Variants in PPP2R5D observed in about 807,000 individuals in gnomAD.
PPP2R5D encodes the protein serine/threonine-protein phosphatase 2A 56 kDa regulatory subunit delta isoform.
PPP2R5D carries 12 observed loss-of-function variants against 79.1 expected under a neutral mutation model. That is an observed-to-expected ratio of 0.15 (90% CI 0.10 to 0.25). The LOEUF is 0.25. Ranked by LOEUF, PPP2R5D falls within the 10% of genes least tolerant of loss-of-function variation. The pLI is 1.00. For missense variants in PPP2R5D, 419 were observed against 760.2 expected (o/e 0.55, Z 5.28); for synonymous variants, 277 against 286.6 (o/e 0.97, Z 0.34).
chr6:42,995,010 A>G (rs928082026), intron 2 of PPP2R5D, among the ~76,000 whole-genome samples: 9 of 150,810 alleles, frequency 6.0e-5, no homozygotes, highest in African/African-American at 2.2e-4. Context: ...TTGGCATCTC[A>G]CTGCTTACAA....
Position 43,006,483 on chromosome 6 carries a change from C to G in PPP2R5D, c.126C>G (p.Pro42=), listed in dbSNP as rs1344853175. 3 of 1,613,310 alleles carry G rather than the reference C, an allele frequency of 1.9e-6. No individual in the cohort carries two copies. The highest frequency in any genetic ancestry group is 1.7e-5 in the Admixed American group (1 of 59,982). Residue 42 remains proline, a synonymous_variant, in exon 3 of 16, where the codon CCC becomes CCG. Coordinates refer to ENST00000485511, the MANE Select transcript of PPP2R5D (RefSeq NM_006245.4). This position sits in a 1 kb window ranked among gnomAD's most constrained non-coding sequence, Gnocchi z 4.7. ...ACCAGGCCCAGCCGCAGCCCCAGCCCCAGCCCCAGCCCCAAGCCCAGTCTC... is the reference window on the plus strand; with the variant it reads ...ACCAGGCCCAGCCGCAGCCCCAGCCGCAGCCCCAGCCCCAAGCCCAGTCTC... ...NTEEAQPQPQ[P]QPQPQAQSQP...
At position 43,008,099 on chromosome 6, in the gene PPP2R5D, C is replaced by T; in HGVS notation, c.857+34C>T. On this transcript the variant is annotated intron_variant, in intron 7 of 15. Coordinates refer to ENST00000485511, the MANE Select transcript of PPP2R5D (RefSeq NM_006245.4). The surrounding 1 kb of genome is among the most constrained non-coding windows in gnomAD (Gnocchi z 4.2). ...AGGAGCCCAGGCTTAGGAGCAAAAC[C>T]TTCTGCTACTGAGGTGGGGTGGGAG... is the stretch of plus-strand genomic sequence containing the variant. 6.2e-7 allele frequency: 1 copy of T among 1,611,094 alleles called. No individual in the cohort carries two copies. Among genetic ancestry groups the T allele is most frequent in the Non-Finnish European group, 8.5e-7 (1 of 1,179,732 alleles).
rs1265667293 is a variant in PPP2R5D, at chr6:42,984,645, C to T, written c.-33C>T. Reference sequence around the variant, plus strand: ...AGCAAAGCCGGAGCCGGAGCGGGGCCGCAGGAGACGGGCCGGGTCCGGACG... The same window carrying T: ...AGCAAAGCCGGAGCCGGAGCGGGGCTGCAGGAGACGGGCCGGGTCCGGACG... On this transcript the variant is annotated 5_prime_UTR_variant, in exon 1 of 16. Transcript: ENST00000485511. The T allele has an allele frequency of 3.8e-6, 6 of 1,587,726 alleles. No homozygotes were observed. The highest frequency in any genetic ancestry group is 2.3e-5 in the East Asian group (1 of 43,578).
Position 43,009,239 on chromosome 6 carries a change from A to G in PPP2R5D, c.1251+12A>G, listed in dbSNP as rs769028583. 2.5e-5 allele frequency: 41 copies of G among 1,613,928 alleles called. No homozygotes were observed. The highest frequency in any genetic ancestry group is 3.3e-5 in the Non-Finnish European group (39 of 1,179,986). On this transcript the variant is annotated intron_variant, in intron 11 of 15. Transcript: ENST00000485511. The surrounding 1 kb of genome is among the most constrained non-coding windows in gnomAD (Gnocchi z 5.6). Reference sequence around the variant, plus strand: ...GCCCCCATTTCCAGGTGAGACTCCAACCTAGCATATCCTAGCCCCTGCCAG... The same window carrying G: ...GCCCCCATTTCCAGGTGAGACTCCAGCCTAGCATATCCTAGCCCCTGCCAG...
chr6:43,006,360 C>T lies in PPP2R5D; in HGVS notation c.106-103C>T. The T allele has an allele frequency of 6.7e-7, 1 of 1,484,268 alleles. No individual in the cohort carries two copies. The highest frequency in any genetic ancestry group is 2.4e-5 in the Admixed American group (1 of 42,410). The allele number at this position is 1,484,268 out of a possible 1,614,324, so 91.9% of individuals were successfully genotyped here. A position where few individuals can be genotyped will look rare whatever the true frequency, so the allele number is the denominator to read the frequency against. On this transcript the variant is annotated intron_variant, in intron 2 of 15. Coordinates refer to ENST00000485511, the MANE Select transcript of PPP2R5D (RefSeq NM_006245.4). This position sits in a 1 kb window ranked among gnomAD's most constrained non-coding sequence, Gnocchi z 4.7. ...CTTCGGGGCAGGAGACAGCTGCTCA[C>T]TGCCCAGGCCTGTGCAGGCATAAAC...
intron 2 of PPP2R5D, among the ~76,000 whole-genome samples, chr6:42,998,018 TATA>T (rs1561843655): frequency 3.7e-4 from 3 of 8,186 alleles, no homozygotes; most frequent in Admixed American, 1.5e-3. Context: ...GTTTTATTTA[TATA>T]TATATATATA....
chr6:43,006,148 C>T lies in PPP2R5D; in HGVS notation c.106-315C>T, dbSNP rs1339253105. On this transcript the variant is annotated intron_variant, in intron 2 of 15. Coordinates refer to ENST00000485511, the MANE Select transcript of PPP2R5D (RefSeq NM_006245.4). This position sits in a 1 kb window ranked among gnomAD's most constrained non-coding sequence, Gnocchi z 4.7. The stretch of plus-strand genomic sequence containing the variant: ...ATACCCACCCCATTTCCCCTGGCAA[C>T]GTAATCACTTTTTTGACTTCTGTCA... Among the ~76,000 whole-genome samples the T allele has an allele frequency of 1.3e-5, 2 of 152,164 alleles. No homozygotes were observed. The highest frequency in any genetic ancestry group is 4.8e-5 in the African/African-American group (2 of 41,434).
At position 42,998,015 on chromosome 6, in the gene PPP2R5D, TTATATATATATATA is replaced by T. The variant is rs1561843629; in HGVS notation, c.105+8357_105+8370del. Among the ~76,000 whole-genome samples the T allele has an allele frequency of 3.9e-3, 127 of 32,340 alleles. 1 individual carries two copies. The highest frequency in any genetic ancestry group is 0.024 in the Middle Eastern group (1 of 42). 21.2% of individuals were successfully genotyped at this position (32,340 alleles called of 152,430 possible). A position where few individuals can be genotyped will look rare whatever the true frequency, so the allele number is the denominator to read the frequency against. ...TTATATTTGAATATTTGGGTTTTATTTATATATATATATATATATATATATATATATATATATAT... is the reference window on the plus strand; with the variant it reads ...TTATATTTGAATATTTGGGTTTTATTTATATATATATATATATATATATAT... On this transcript the variant is annotated intron_variant, in intron 2 of 15. Coordinates refer to ENST00000485511, the MANE Select transcript of PPP2R5D (RefSeq NM_006245.4).
intron 1 of PPP2R5D, among the ~76,000 whole-genome samples, chr6:42,986,864 G>A (rs1334140417): frequency 1.3e-5 from 2 of 151,734 alleles, no homozygotes; most frequent in African/African-American, 4.8e-5. Flanking sequence ...TGGAAGTAAC[G>A]GGGTGCATGG....
intron 2 of PPP2R5D, among the ~76,000 whole-genome samples, chr6:42,994,963 T>G (rs1396077409): frequency 6.6e-6 from 1 of 152,042 alleles, no homozygotes; most frequent in Non-Finnish European, 1.5e-5. Context: ...TCTAAAAACC[T>G]TCTTGGTCTT....
rs56194066 is a variant in PPP2R5D, at chr6:43,004,569, C to CTTT, written c.106-1878_106-1876dup. 7.9e-3 allele frequency among the ~76,000 whole-genome samples: 993 copies of CTTT among 125,064 alleles called. 35 individuals carry two copies. The highest frequency in any genetic ancestry group is 0.027 in the African/African-American group (879 of 32,740). The allele number at this position is 125,064 out of a possible 152,430, so 82.0% of individuals were successfully genotyped here. A position where few individuals can be genotyped will look rare whatever the true frequency, so the allele number is the denominator to read the frequency against. ...ATTTTCACATTGGATTCTTTTCCTACTTTTTTTTTTTTTTTTTTGAGATTT... is the reference window on the plus strand; with the variant it reads ...ATTTTCACATTGGATTCTTTTCCTACTTTTTTTTTTTTTTTTTTTTTGAGATTT... On this transcript the variant is annotated intron_variant, in intron 2 of 15. Coordinates refer to ENST00000485511, the MANE Select transcript of PPP2R5D (RefSeq NM_006245.4).
chr6:42,987,076 T>A (rs911013955), intron 1 of PPP2R5D, among the ~76,000 whole-genome samples: 18 of 152,154 alleles, frequency 1.2e-4, no homozygotes, highest in Admixed American at 3.9e-4. Flanking sequence ...TTTCACAGCT[T>A]CCTCTCTAAA....
intron 2 of PPP2R5D, among the ~76,000 whole-genome samples, chr6:43,002,736 A>G (rs1312609308): frequency 6.6e-6 from 1 of 152,198 alleles, no homozygotes; most frequent in African/African-American, 2.4e-5. Flanking sequence ...TAAAAAATTC[A>G]GAGGATGCAA....
chr6:43,005,565 CAA>C (rs1762028627), intron 2 of PPP2R5D, among the ~76,000 whole-genome samples: 1 of 151,968 alleles, frequency 6.6e-6, no homozygotes, highest in Admixed American at 6.6e-5. Context: ...TTTGGCTTCC[CAA>C]AGTGTTGGGA....
Position 43,010,914 on chromosome 6 carries a change from C to A in PPP2R5D, c.1588C>A (p.Pro530Thr). The A allele has an allele frequency of 6.2e-7, 1 of 1,614,134 alleles. No individual in the cohort carries two copies. The highest frequency in any genetic ancestry group is 2.2e-5 in the East Asian group (1 of 44,878). ...GTTCCGAGCCCCTCCACCACTGCCC[C>A]CTGTGTACTCGATGGAGACAGAGAC... ...PMFRAPPPLP[P>T]VYSMETETPT... Residue 530 changes from proline (P) to threonine (T), a missense_variant, in exon 15 of 16, where the codon CCT becomes ACT. This residue lies in a region of PPP2R5D where 84 missense variants were observed against 105.4 expected (regional missense o/e 0.80). Transcript: ENST00000485511. The surrounding 1 kb of genome is among the most constrained non-coding windows in gnomAD (Gnocchi z 4.7).
chr6:43,007,513 C>T lies in PPP2R5D; in HGVS notation c.726+7C>T. 6.3e-7 allele frequency: 1 copy of T among 1,595,446 alleles called. No individual in the cohort carries two copies. The highest frequency in any genetic ancestry group is 8.6e-7 in the Non-Finnish European group (1 of 1,162,998). ...CCAGAAGTTTGTACTTGCTGTGAGTCCCCGAGTTCCTGTCCTTGCCCTCTC... is the reference window on the plus strand; with the variant it reads ...CCAGAAGTTTGTACTTGCTGTGAGTTCCCGAGTTCCTGTCCTTGCCCTCTC... On this transcript the variant is annotated splice_region_variant and intron_variant, in intron 6 of 15. Coordinates refer to ENST00000485511, the MANE Select transcript of PPP2R5D (RefSeq NM_006245.4). This position sits in a 1 kb window ranked among gnomAD's most constrained non-coding sequence, Gnocchi z 4.5.
At chr6:42,992,890 G>C (rs979559562) in intron 2 of PPP2R5D, among the ~76,000 whole-genome samples, 1 of 152,116 alleles carries the variant, frequency 6.6e-6, no homozygotes, top group Non-Finnish European at 1.5e-5. Flanking sequence ...GCTGGGTGCG[G>C]TGGCTCACAC....
chr6:43,001,937 A>C (rs185251886), intron 2 of PPP2R5D, among the ~76,000 whole-genome samples: 2,083 of 97,038 alleles, frequency 0.021, 18 homozygotes, highest in South Asian at 0.045. Context: ...CTCTGTCTCA[A>C]AAAAAAAAAA....
rs757971591 is a variant in PPP2R5D, at chr6:43,009,308, C to T, written c.1252-14C>T. The T allele has an allele frequency of 3.1e-6, 5 of 1,614,092 alleles. No homozygotes were observed. The South Asian group carries it at 4.4e-5, about 14-fold the overall frequency. On this transcript the variant is annotated splice_polypyrimidine_tract_variant and intron_variant, in intron 11 of 15. Coordinates refer to ENST00000485511, the MANE Select transcript of PPP2R5D (RefSeq NM_006245.4). This position sits in a 1 kb window ranked among gnomAD's most constrained non-coding sequence, Gnocchi z 5.6. Reference sequence around the variant, plus strand: ...AAATGAGCAGCACCCACCGAGTCTGCCTCTCCCCACCAGGTGGCAGAGCGT... The same window carrying T: ...AAATGAGCAGCACCCACCGAGTCTGTCTCTCCCCACCAGGTGGCAGAGCGT...
Sources: allele counts gnomAD v4.1 joint callset (sites outside exome capture counted in the v4.1 genomes callset), GRCh38; gene constraint gnomAD v4.1.1; regional missense constraint gnomAD v4.1.1; non-coding constraint Gnocchi (gnomAD v3.1); transcripts MANE v1.5; gene names NCBI Gene and HGNC (gene_info 2026-07-23, HGNC 2026-07-21).